The following HDAC4 variants were observed in gnomAD, a reference collection of about 807,000 sequenced individuals.
HDAC4 encodes the protein histone deacetylase 4.
In HDAC4, 16 loss-of-function variants were observed where a neutral mutation model predicts 135.1. The ratio of observed to expected loss-of-function variants is 0.12; its 90% CI spans 0.08 to 0.18. HDAC4 has a LOEUF of 0.18. Ranked by LOEUF, HDAC4 falls within the 10% of genes least tolerant of loss-of-function variation. HDAC4 has a pLI of 1.00. For synonymous variants in HDAC4, 685 were observed against 653.4 expected (o/e 1.05, Z -0.74); for missense variants, 1,143 against 1,511.8 (o/e 0.76, Z 4.05).
chr2:239,389,460 G>A (rs1225710081), intron 1 of HDAC4, among the ~76,000 whole-genome samples: 4 of 152,094 alleles, frequency 2.6e-5, no homozygotes, highest in Admixed American at 6.5e-5. Flanking sequence ...AACAAACTCC[G>A]GACACACCAT....
intron 13 of HDAC4, among the ~76,000 whole-genome samples, chr2:239,112,542 TGG>T: frequency 6.6e-6 from 1 of 152,254 alleles, no homozygotes; most frequent in Non-Finnish European, 1.5e-5. Context: ...GGAGCTGGGC[TGG>T]GCTCTGTGTG....
At chr2:239,161,742 C>G (rs1308313028) in intron 6 of HDAC4, 1 of 397,676 alleles carries the variant, frequency 2.5e-6, no homozygotes, top group South Asian at 1.9e-5. Flanking sequence ...GGCCAAGACA[C>G]TCACCTTGAA....
At chr2:239,165,713 G>A (rs750295910) in intron 5 of HDAC4, among the ~76,000 whole-genome samples, 1 of 152,224 alleles carries the variant, frequency 6.6e-6, no homozygotes, top group African/African-American at 2.4e-5. Flanking sequence ...GCCCTGGTTC[G>A]TGGCTCTCGG....
chr2:239,273,503 G>A (rs1172986638), intron 2 of HDAC4, among the ~76,000 whole-genome samples: 1 of 152,228 alleles, frequency 6.6e-6, no homozygotes, highest in Non-Finnish European at 1.5e-5. Flanking sequence ...TGATTCAGGA[G>A]TGAGTGTCTT....
At chr2:239,310,485 G>C (rs571201517) in intron 2 of HDAC4, among the ~76,000 whole-genome samples, 2 of 152,332 alleles carry the variant, frequency 1.3e-5, no homozygotes, top group South Asian at 4.1e-4. Context: ...TGTTCCCGGG[G>C]GGATGGCTGG....
intron 2 of HDAC4, among the ~76,000 whole-genome samples, chr2:239,256,423 GA>G (rs1210362767): frequency 1.3e-5 from 2 of 152,224 alleles, no homozygotes; most frequent in Non-Finnish European, 2.9e-5. Context: ...ACACATGGGG[GA>G]AAGGACAGGC....
Position 239,236,494 on chromosome 2 carries a change from C to T in HDAC4, c.94+99G>A, listed in dbSNP as rs533550544. The T allele has an allele frequency of 1.8e-5, 17 of 947,690 alleles. No homozygotes were observed. In the Admixed American group the frequency reaches 2.0e-4, roughly 11 times the overall value. The allele number at this position is 947,690 out of a possible 1,614,324, so 58.7% of individuals were successfully genotyped here. On this transcript the variant is annotated intron_variant, in intron 3 of 26. Transcript: ENST00000543185. ...TGAACCTGATACCCCACACCTCCCC[C>T]CTCGCCCTCTCTGCACTCCTCCAAT...
At chr2:239,212,350 C>T (rs1262249286) in intron 3 of HDAC4, among the ~76,000 whole-genome samples, 1 of 152,002 alleles carries the variant, frequency 6.6e-6, no homozygotes, top group African/African-American at 2.4e-5. Context: ...GGCTAGGGCA[C>T]TGACCCGACT....
chr2:239,337,447 A>G (rs1692012019), intron 2 of HDAC4, among the ~76,000 whole-genome samples: 1 of 152,154 alleles, frequency 6.6e-6, no homozygotes, highest in South Asian at 2.1e-4. Flanking sequence ...TATCGCTGCA[A>G]ACTTCCTCTC....
intron 15 of HDAC4, among the ~76,000 whole-genome samples, chr2:239,105,734 C>T (rs543036966): frequency 2.0e-5 from 3 of 152,284 alleles, no homozygotes; most frequent in Admixed American, 6.5e-5. Flanking sequence ...AAGTGGTCCG[C>T]GGACTGGGGA....
intron 2 of HDAC4, among the ~76,000 whole-genome samples, chr2:239,340,595 G>A (rs1401883297): frequency 5.9e-5 from 9 of 152,192 alleles, no homozygotes; most frequent in Admixed American, 4.6e-4. Flanking sequence ...TTATCATTCT[G>A]TTACAACAGC....
intron 11 of HDAC4, 51 bp downstream of exon 11, chr2:239,134,194 G>T: frequency 6.7e-7 from 1 of 1,484,504 alleles, no homozygotes; most frequent in Non-Finnish European, 9.3e-7. Context: ...GCACCATCCA[G>T]AGCGTGGGCA....
chr2:239,236,740 G>C, intron 2 of HDAC4, 76 bp from the exon 3 acceptor site: 1 of 1,049,980 alleles, frequency 9.5e-7, no homozygotes, highest in Non-Finnish European at 1.5e-6. Context: ...GGAGTCTGCA[G>C]GGAGTAACTC....
At chr2:239,116,506 G>A (rs550903079) in intron 12 of HDAC4, among the ~76,000 whole-genome samples, 1 of 152,314 alleles carries the variant, frequency 6.6e-6, no homozygotes, top group South Asian at 2.1e-4. Context: ...TCGACCTCCT[G>A]CCTTTCCTGC....
intron 1 of HDAC4, among the ~76,000 whole-genome samples, chr2:239,370,222 C>G (rs1276674709): frequency 6.6e-6 from 1 of 152,162 alleles, no homozygotes; most frequent in Non-Finnish European, 1.5e-5. Flanking sequence ...CATGGGCCAC[C>G]AACAACCGTC....
chr2:239,059,709 AG>A (rs992466816), intron 24 of HDAC4, among the ~76,000 whole-genome samples: 10 of 152,228 alleles, frequency 6.6e-5, no homozygotes, highest in Non-Finnish European at 1.3e-4. Context: ...CTCCCAGTCA[AG>A]GAACAGATTA....
At chr2:239,149,477 A>T (rs985736816) in intron 7 of HDAC4, among the ~76,000 whole-genome samples, 2 of 152,192 alleles carry the variant, frequency 1.3e-5, no homozygotes, top group Non-Finnish European at 2.9e-5. Flanking sequence ...TGCAAACAAC[A>T]TATAAACAGT....
Position 239,052,810 on chromosome 2 carries a change from T to C in HDAC4, c.*287A>G, listed in dbSNP as rs2031067242. 3 of 467,768 alleles carry C rather than the reference T, an allele frequency of 6.4e-6. No homozygotes were observed. Among genetic ancestry groups the C allele is most frequent in the South Asian group, 3.0e-5 (1 of 33,088 alleles). The allele number at this position is 467,768 out of a possible 1,614,324, so 29.0% of individuals were successfully genotyped here. A position where few individuals can be genotyped will look rare whatever the true frequency, so the allele number is the denominator to read the frequency against. ...GGCTCCTTTCTTCCACGGCGTCCCT[T>C]GCGGGACCCGCCAGAGTGTGCTTGG... On this transcript the variant is annotated 3_prime_UTR_variant, in exon 27 of 27. Coordinates refer to ENST00000543185, the MANE Select transcript of HDAC4 (RefSeq NM_001378414.1).
chr2:239,247,434 A>T (rs767286166), intron 2 of HDAC4, among the ~76,000 whole-genome samples: 9 of 152,216 alleles, frequency 5.9e-5, no homozygotes, highest in Non-Finnish European at 1.3e-4. Context: ...ACGAACACAG[A>T]TAAAGAACGA....
Sources: allele counts gnomAD v4.1 joint callset (sites outside exome capture counted in the v4.1 genomes callset), GRCh38; gene constraint gnomAD v4.1.1; transcripts MANE v1.5; gene names NCBI Gene and HGNC (gene_info 2026-07-23, HGNC 2026-07-21).